TAFA2: variants seen among roughly 807,000 people sequenced by gnomAD.
The protein encoded by TAFA2 is TAFA chemokine like family member 2.
A neutral mutation model predicts 18.8 loss-of-function variants in TAFA2; 7 were observed. The observed-to-expected ratio is 0.37, with a 90% CI of 0.21 to 0.70. The LOEUF (loss-of-function observed/expected upper bound fraction) is 0.70. Among genes scored for constraint, TAFA2 ranks in the 30% least tolerant of loss-of-function variants. The pLI is 0.53. For synonymous variants in TAFA2, 60 were observed against 54.2 expected (o/e 1.11, Z -0.47); for missense variants, 122 against 158.1 (o/e 0.77, Z 1.23).
At position 61,852,126 on chromosome 12, in the gene TAFA2, G is replaced by T. The variant is rs145055268; in HGVS notation, c.106+15194C>A. On this transcript the variant is annotated intron_variant, in intron 2 of 4. Transcript: ENST00000416284. ...AGAGGCTGAGGCAGGAGAATCGCTT[G>T]AACCCAGAAGCAGAGGTTGCGGTGA... is the stretch of plus-strand genomic sequence containing the variant. Among the ~76,000 whole-genome samples the T allele has an allele frequency of 5.7e-3, 856 of 150,832 alleles. 9 individuals carry two copies. The highest frequency in any genetic ancestry group is 0.02 in the African/African-American group (815 of 41,048).
At chr12:62,053,897 C>T (rs571677644) in intron 1 of TAFA2, among the ~76,000 whole-genome samples, 7 of 152,300 alleles carry the variant, frequency 4.6e-5, no homozygotes, top group Non-Finnish European at 1.0e-4. Context: ...GAGCTTAATA[C>T]ATAGAAAATG....
chr12:61,868,363 G>C (rs913648745), intron 1 of TAFA2, among the ~76,000 whole-genome samples: 1 of 152,094 alleles, frequency 6.6e-6, no homozygotes. Flanking sequence ...AAGCAAAACT[G>C]ATATGAAATC....
chr12:62,177,535 C>G (rs916244708), intron 1 of TAFA2, among the ~76,000 whole-genome samples: 12 of 152,226 alleles, frequency 7.9e-5, no homozygotes. Flanking sequence ...CAGCTGCTAA[C>G]AGTACACTAA....
intron 1 of TAFA2, among the ~76,000 whole-genome samples, chr12:62,039,745 T>TA (rs1881708784): frequency 6.6e-6 from 1 of 152,176 alleles, no homozygotes; most frequent in African/African-American, 2.4e-5. Context: ...ACAATCAACT[T>TA]ACAAGCTCCA....
intron 2 of TAFA2, among the ~76,000 whole-genome samples, chr12:61,771,770 CA>C (rs1442193518): frequency 1.3e-5 from 2 of 150,782 alleles, no homozygotes; most frequent in Non-Finnish European, 3.0e-5. Context: ...ATGCCTACAT[CA>C]AAAAGTCTGA....
intron 4 of TAFA2, among the ~76,000 whole-genome samples, chr12:61,730,397 G>A (rs1870385119): frequency 6.6e-6 from 1 of 152,098 alleles, no homozygotes; most frequent in Non-Finnish European, 1.5e-5. Context: ...AGTAGTACAG[G>A]GGAGACAGAA....
intron 1 of TAFA2, among the ~76,000 whole-genome samples, chr12:61,925,126 C>A (rs1333308816): frequency 1.3e-5 from 2 of 152,100 alleles, no homozygotes; most frequent in African/African-American, 4.8e-5. Flanking sequence ...GAATCCCACA[C>A]AATAATAGTG....
At chr12:61,961,959 T>C (rs182688811) in intron 1 of TAFA2, among the ~76,000 whole-genome samples, 5 of 152,178 alleles carry the variant, frequency 3.3e-5, no homozygotes, top group Non-Finnish European at 2.9e-5. Flanking sequence ...CATGTACTTA[T>C]TTCCTCTAAT....
chr12:62,023,746 C>T (rs1387100111), intron 1 of TAFA2: 1 of 152,030 alleles, frequency 6.6e-6, no homozygotes, highest in East Asian at 1.9e-4. Context: ...AGCTTCACTA[C>T]TGCATCTACT....
intron 2 of TAFA2, among the ~76,000 whole-genome samples, chr12:61,792,473 T>C (rs1871021365): frequency 6.6e-6 from 1 of 151,622 alleles, no homozygotes; most frequent in Admixed American, 6.6e-5. Flanking sequence ...CATTACACAA[T>C]GTATATATGC....
chr12:62,035,112 G>A (rs348686), intron 1 of TAFA2, among the ~76,000 whole-genome samples: 36,058 of 151,922 alleles, frequency 0.24, 4,307 homozygotes, highest in Admixed American at 0.27. Flanking sequence ...AAGGAGGGAG[G>A]TCACCCCTCT....
intron 2 of TAFA2, among the ~76,000 whole-genome samples, chr12:61,765,580 G>C (rs1869754621): frequency 6.6e-6 from 1 of 152,066 alleles, no homozygotes; most frequent in Non-Finnish European, 1.5e-5. Context: ...TATATAATTT[G>C]AGAAAATTGT....
chr12:62,232,499 A>G (rs2062815847), intron 1 of TAFA2, among the ~76,000 whole-genome samples: 1 of 152,136 alleles, frequency 6.6e-6, no homozygotes, highest in Non-Finnish European at 1.5e-5. Flanking sequence ...TTCAAAATCT[A>G]CTAGAGAGTC....
intron 1 of TAFA2, among the ~76,000 whole-genome samples, chr12:62,182,958 A>C (rs986104046): frequency 1.3e-5 from 2 of 152,240 alleles, no homozygotes; most frequent in African/African-American, 4.8e-5. Flanking sequence ...GTAATATACT[A>C]AAATGGTAAA....
At chr12:62,102,944 A>G (rs1869275448) in intron 1 of TAFA2, among the ~76,000 whole-genome samples, 1 of 152,162 alleles carries the variant, frequency 6.6e-6, no homozygotes, top group Non-Finnish European at 1.5e-5. Context: ...AAGAGGAGAG[A>G]AACTTATGTT....
intron 2 of TAFA2, among the ~76,000 whole-genome samples, chr12:61,783,912 C>G (rs1870614138): frequency 6.6e-6 from 1 of 151,470 alleles, no homozygotes; most frequent in South Asian, 2.1e-4. Context: ...CTTATTTAGT[C>G]AGAAGAGAGA....
At chr12:61,794,590 CCG>C (rs1871115532) in intron 2 of TAFA2, among the ~76,000 whole-genome samples, 1 of 151,952 alleles carries the variant, frequency 6.6e-6, no homozygotes, top group Non-Finnish European at 1.5e-5. Context: ...TTTCGATTCA[CCG>C]TGTATTTATC....
At chr12:61,764,739 C>T (rs1565626261) in intron 2 of TAFA2, among the ~76,000 whole-genome samples, 1 of 152,098 alleles carries the variant, frequency 6.6e-6, no homozygotes, top group Admixed American at 6.6e-5. Flanking sequence ...TTTTTAACCC[C>T]TTCAAACTAA....
chr12:61,859,734 G>A (rs1041541392), intron 2 of TAFA2, among the ~76,000 whole-genome samples: 1 of 152,026 alleles, frequency 6.6e-6, no homozygotes, highest in East Asian at 1.9e-4. Flanking sequence ...AAGCCACCAC[G>A]CCCCGCCCAG....
Sources: allele counts gnomAD v4.1 joint callset (sites outside exome capture counted in the v4.1 genomes callset), GRCh38; gene constraint gnomAD v4.1.1; transcripts MANE v1.5; gene names NCBI Gene and HGNC (gene_info 2026-07-23, HGNC 2026-07-21).